The following CNTN4 variants were observed in gnomAD, a reference collection of about 807,000 sequenced individuals.
CNTN4 encodes the protein contactin 4, also known as contactin-4.
CNTN4 carries 77 observed loss-of-function variants against 122.5 expected under a neutral mutation model. The ratio of observed to expected loss-of-function variants is 0.63; its 90% CI spans 0.52 to 0.76. The LOEUF is 0.76. CNTN4 is among the 30% of genes least tolerant of loss of function. The pLI is 0.00. For synonymous variants in CNTN4, 512 were observed against 447.0 expected (o/e 1.15, Z -1.83); for missense variants, 1,256 against 1,259.1 (o/e 1.00, Z 0.04).
intron 6 of CNTN4, among the ~76,000 whole-genome samples, chr3:2,796,129 C>T (rs150728162): frequency 1.2e-4 from 18 of 152,030 alleles, no homozygotes; most frequent in African/African-American, 3.4e-4. Flanking sequence ...AAATTAAATC[C>T]AAGTGCATCT....
At chr3:2,867,729 C>T (rs1019876291) in intron 8 of CNTN4, among the ~76,000 whole-genome samples, 2 of 151,850 alleles carry the variant, frequency 1.3e-5, no homozygotes, top group African/African-American at 4.8e-5. Context: ...GCTTGCTCAC[C>T]CTGCCACCCA....
rs187584959 is a variant in CNTN4 at position 2,417,094 on chromosome 3, C to T, written c.-89+77861C>T. On this transcript the variant is annotated intron_variant, in intron 3 of 24. Transcript: ENST00000418658. ...CTCCCTTAGTGTGGGACATGCTGCCCGCTCCCTTCAGGTACTTATCTGTCC... is the reference window on the plus strand; with the variant it reads ...CTCCCTTAGTGTGGGACATGCTGCCTGCTCCCTTCAGGTACTTATCTGTCC... Among the ~76,000 whole-genome samples, 501 of 152,264 alleles carry T rather than the reference C, an allele frequency of 3.3e-3. 3 individuals carry two copies. The highest frequency in any genetic ancestry group is 0.01 in the Middle Eastern group (3 of 294).
chr3:2,402,242 C>T (rs1306640352), intron 3 of CNTN4, among the ~76,000 whole-genome samples: 1 of 152,028 alleles, frequency 6.6e-6, no homozygotes, highest in African/African-American at 2.4e-5. Context: ...TGAACTCCCA[C>T]CTCTTTTCTG....
At chr3:2,659,774 A>G (rs1395387836) in intron 4 of CNTN4, among the ~76,000 whole-genome samples, 1 of 152,162 alleles carries the variant, frequency 6.6e-6, no homozygotes, top group Non-Finnish European at 1.5e-5. Flanking sequence ...ATGGACAAAT[A>G]TTTGTTTGAT....
At chr3:2,904,662 G>A (rs1424778250) in intron 12 of CNTN4, among the ~76,000 whole-genome samples, 8 of 152,138 alleles carry the variant, frequency 5.3e-5, no homozygotes, top group Non-Finnish European at 1.2e-4. Context: ...CCTTCTGCCC[G>A]GATTTGCTAA....
intron 11 of CNTN4, 100 bp from the exon 12 acceptor site, chr3:2,902,776 T>C: frequency 7.7e-7 from 1 of 1,293,480 alleles, no homozygotes; most frequent in Non-Finnish European, 1.1e-6. Context: ...GATGGCTGTT[T>C]TCTTCCCATT....
At chr3:2,680,047 A>T (rs2085082172) in intron 4 of CNTN4, among the ~76,000 whole-genome samples, 1 of 152,248 alleles carries the variant, frequency 6.6e-6, no homozygotes, top group African/African-American at 2.4e-5. Context: ...AATGTTCATT[A>T]CGTTTGCCAG....
chr3:2,623,104 G>A (rs1244896540), intron 4 of CNTN4, among the ~76,000 whole-genome samples: 1 of 152,170 alleles, frequency 6.6e-6, no homozygotes, highest in East Asian at 1.9e-4. Flanking sequence ...AAGCATTATA[G>A]AAAACTACTT....
intron 4 of CNTN4, among the ~76,000 whole-genome samples, chr3:2,669,950 C>G (rs1432761993): frequency 6.6e-6 from 1 of 152,208 alleles, no homozygotes; most frequent in Non-Finnish European, 1.5e-5. Context: ...GCACTGTGGT[C>G]TGACAGACAA....
At chr3:2,737,125 G>C (rs970136917) in intron 5 of CNTN4, among the ~76,000 whole-genome samples, 1 of 151,568 alleles carries the variant, frequency 6.6e-6, no homozygotes, top group Admixed American at 6.6e-5. Context: ...CTGTCACCCA[G>C]GCTGAAGTGG....
chr3:2,872,552 G>C (rs945163628), intron 8 of CNTN4, among the ~76,000 whole-genome samples: 1 of 151,948 alleles, frequency 6.6e-6, no homozygotes, highest in Non-Finnish European at 1.5e-5. Flanking sequence ...CTGTCTGATA[G>C]GTCCATGCAT....
rs1198307593 is a variant in CNTN4, at chr3:2,400,435, ATATATATATATATATC to A, written c.-89+61204_-89+61219del. ...TATATATATATATATATACATATAT[ATATATATATATATATC>A]TCTTTTTTTCCTTCTTCTTAAATTT... On this transcript the variant is annotated intron_variant, in intron 3 of 24. Transcript: ENST00000418658. Among the ~76,000 whole-genome samples the A allele has an allele frequency of 8.4e-4, 114 of 135,786 alleles. 7 individuals are homozygous for A. The highest frequency in any genetic ancestry group is 1.3e-3 in the Non-Finnish European group (80 of 61,564). The allele number at this position is 135,786 out of a possible 152,430, so 89.1% of individuals were successfully genotyped here.
At chr3:2,340,239 A>G (rs1040042977) in intron 3 of CNTN4, among the ~76,000 whole-genome samples, 1 of 152,182 alleles carries the variant, frequency 6.6e-6, no homozygotes, top group East Asian at 1.9e-4. Flanking sequence ...GTGAAATTAA[A>G]GTTAATTATT....
At chr3:2,194,799 C>A (rs1224685348) in intron 2 of CNTN4, among the ~76,000 whole-genome samples, 1 of 152,088 alleles carries the variant, frequency 6.6e-6, no homozygotes, top group African/African-American at 2.4e-5. Flanking sequence ...TGTTAGCAAA[C>A]CACCAGAAGC....
At chr3:2,310,338 C>T (rs182499373) in intron 2 of CNTN4, among the ~76,000 whole-genome samples, 36 of 152,258 alleles carry the variant, frequency 2.4e-4, no homozygotes, top group African/African-American at 8.2e-4. Flanking sequence ...TTGGCTATGA[C>T]TGACACTGTG....
At chr3:2,802,218 A>C (rs1340433118) in intron 6 of CNTN4, among the ~76,000 whole-genome samples, 1 of 152,214 alleles carries the variant, frequency 6.6e-6, no homozygotes, top group Non-Finnish European at 1.5e-5. Flanking sequence ...GATAACCCTC[A>C]CATCAATCCT....
intron 18 of CNTN4, chr3:3,037,766 C>T (rs1699746205): frequency 3.9e-6 from 1 of 257,920 alleles, no homozygotes; most frequent in African/African-American, 2.2e-5. Context: ...ATAATTTCTT[C>T]AGAAATGTTC....
At chr3:2,234,391 AGAG>A (rs1378942853) in intron 2 of CNTN4, among the ~76,000 whole-genome samples, 2 of 148,878 alleles carry the variant, frequency 1.3e-5, no homozygotes, top group South Asian at 2.1e-4. Context: ...AAAAAAAAAA[AGAG>A]GAAGTTTTCA....
In CNTN4 at chr3:2,847,929, C is replaced by A. The variant is rs578225197; in HGVS notation, c.455-18823C>A. 2.6e-4 allele frequency among the ~76,000 whole-genome samples: 39 copies of A among 152,288 alleles called. 1 individual carries two copies. In the South Asian group the frequency reaches 7.5e-3, roughly 29 times the overall value. On this transcript the variant is annotated intron_variant, in intron 7 of 24. Transcript: ENST00000418658. Reference sequence around the variant, plus strand: ...TTGAAGTGATTTGCCCAAGACCACACAGCTAACAACTGGCAAATGTGGTAT... The same window carrying A: ...TTGAAGTGATTTGCCCAAGACCACAAAGCTAACAACTGGCAAATGTGGTAT...
Sources: gnomAD v4.1 joint callset for allele counts (sites outside exome capture counted in the v4.1 genomes callset) on GRCh38, gnomAD v4.1.1 for gene constraint, MANE v1.5 for transcripts, NCBI Gene and HGNC (gene_info 2026-07-23, HGNC 2026-07-21) for gene names.